GIT1: variants seen among roughly 807,000 people sequenced by gnomAD.
GIT1 encodes the protein GIT ArfGAP 1, also known as ARF GTPase-activating protein GIT1.
In GIT1, 14 loss-of-function variants were observed where a neutral mutation model predicts 91.7. The observed-to-expected ratio is 0.15, with a 90% CI of 0.10 to 0.24. The LOEUF is 0.24. Among genes scored for constraint, GIT1 ranks in the 10% least tolerant of loss-of-function variants. GIT1 has a pLI of 1.00. For synonymous variants in GIT1, 414 were observed against 418.2 expected, an observed-to-expected ratio of 0.99 and a Z score of 0.12; for missense variants, 717 against 1,024.9, an observed-to-expected ratio of 0.70 and a Z score of 4.10.
Position 29,589,486 on chromosome 17 carries a change from C to A in GIT1, c.-108G>T. 1 of 314,202 alleles carries A rather than the reference C, an allele frequency of 3.2e-6. No homozygotes were observed. The highest frequency in any genetic ancestry group is 1.2e-4 in the South Asian group (1 of 8,638). 19.5% of individuals were successfully genotyped at this position (314,202 alleles called of 1,614,324 possible). Reference sequence around the variant, plus strand: ...CTGCCCGGCCCGGCTCCGGCGAGGCCCCGGCGAGGCTCCGCGCGCCCGGCC... The same window carrying A: ...CTGCCCGGCCCGGCTCCGGCGAGGCACCGGCGAGGCTCCGCGCGCCCGGCC... On this transcript the variant is annotated 5_prime_UTR_variant, in exon 1 of 20. Transcript: ENST00000225394. This position sits in a 1 kb window ranked among gnomAD's most constrained non-coding sequence, Gnocchi z 5.2.
chr17:29,577,295 T>A, intron 10 of GIT1, 48 bp from the exon 11 acceptor site: 1 of 1,455,052 alleles, frequency 6.9e-7, no homozygotes, highest in Non-Finnish European at 9.6e-7. Flanking sequence ...CCCTTATGAC[T>A]GACGCAGGAC....
At position 29,576,416 on chromosome 17, in the gene GIT1, C is replaced by T. The variant is rs150427746; in HGVS notation, c.1415G>A (p.Arg472Gln). The change falls in exon 14 of 20, where the codon CGG (arginine) becomes CAG (glutamine). Residue 472 changes from arginine (R) to glutamine (Q), a missense_variant. Transcript: ENST00000225394. ...HKLQAENLQLRQPPGPVPTPP... is the reference protein window; with the variant it reads ...HKLQAENLQLQQPPGPVPTPP... Reference sequence around the variant, plus strand: ...TGTGGGCACCGGCCCTGGAGGCTGCCGGAGCTGCAGGTTCTCCGCCTGCAG... The same window carrying T: ...TGTGGGCACCGGCCCTGGAGGCTGCTGGAGCTGCAGGTTCTCCGCCTGCAG... 1.4e-5 allele frequency: 23 copies of T among 1,612,842 alleles called. No homozygotes were observed. The African/African-American group carries it at 2.1e-4, about 15-fold the overall frequency.
chr17:29,583,129 C>G lies in GIT1; in HGVS notation c.187-92G>C, dbSNP rs1337320451. Reference sequence around the variant, plus strand: ...TGAGCGCCTGCTGTGGCTGGCGTAGCTGGAAACGGTACCAAGGGGGCCTAC... The same window carrying G: ...TGAGCGCCTGCTGTGGCTGGCGTAGGTGGAAACGGTACCAAGGGGGCCTAC... On this transcript the variant is annotated intron_variant, in intron 2 of 19. Transcript: ENST00000225394. 1.2e-5 allele frequency: 10 copies of G among 857,046 alleles called. No homozygotes were observed. The South Asian group carries it at 1.3e-4, about 11-fold the overall frequency. 53.1% of individuals were successfully genotyped at this position (857,046 alleles called of 1,614,324 possible). A position where few individuals can be genotyped will look rare whatever the true frequency, so the allele number is the denominator to read the frequency against.
In GIT1 at chr17:29,588,515, C is replaced by T. The variant is rs537284586; in HGVS notation, c.52+812G>A. Among the ~76,000 whole-genome samples the T allele has an allele frequency of 2.7e-3, 414 of 152,326 alleles. 2 individuals are homozygous for T. Among genetic ancestry groups the T allele is most frequent in the African/African-American group, 9.2e-3 (384 of 41,564 alleles). The stretch of plus-strand genomic sequence containing the variant: ...GACAGGCCAGGAAGCCAGCAGGATA[C>T]GGGGAATCTCGGCACGGCCTCCCAC... On this transcript the variant is annotated intron_variant, in intron 1 of 19. Transcript: ENST00000225394.
intron 11 of GIT1, 22 bp downstream of exon 11, chr17:29,577,114 C>T: frequency 6.2e-7 from 1 of 1,609,972 alleles, no homozygotes; most frequent in Non-Finnish European, 8.5e-7. Context: ...GCTTCCCACA[C>T]CCTCCCACAC....
chr17:29,574,453 A>AGG lies in GIT1; in HGVS notation c.*247_*248dup. On this transcript the variant is annotated 3_prime_UTR_variant, in exon 20 of 20. Transcript: ENST00000225394. ...GCCTTGCAGGCCCCTGCTCACTAGG[A>AGG]GGGGGGAGATGCTATATACAGAGGG... is the stretch of plus-strand genomic sequence containing the variant. The AGG allele has an allele frequency of 1.8e-6, 1 of 543,086 alleles. No homozygotes were observed. The highest frequency in any genetic ancestry group is 3.3e-6 in the Non-Finnish European group (1 of 300,918). The allele number at this position is 543,086 out of a possible 1,614,324, so 33.6% of individuals were successfully genotyped here. A position where few individuals can be genotyped will look rare whatever the true frequency, so the allele number is the denominator to read the frequency against.
chr17:29,580,712 G>A (rs1474656745), intron 7 of GIT1, among the ~76,000 whole-genome samples: 1 of 151,922 alleles, frequency 6.6e-6, no homozygotes, highest in East Asian at 1.9e-4. Flanking sequence ...CAGTGGGGTC[G>A]GTGCCACTGG....
At chr17:29,586,268 T>C (rs1293125918) in intron 1 of GIT1, among the ~76,000 whole-genome samples, 1 of 152,232 alleles carries the variant, frequency 6.6e-6, no homozygotes, top group Non-Finnish European at 1.5e-5. Context: ...CACAAATTCA[T>C]AAACTTTCTT....
chr17:29,575,245 C>G lies in GIT1; in HGVS notation c.2009+43G>C. On this transcript the variant is annotated intron_variant, in intron 18 of 19. Transcript: ENST00000225394. This position sits in a 1 kb window ranked among gnomAD's most constrained non-coding sequence, Gnocchi z 5.5. ...ATGCTCTCTGCAACACCCTAGAAGC[C>G]AACAGGAACTGCATCCCCCTCACCT... 6.3e-7 allele frequency: 1 copy of G among 1,582,654 alleles called. No homozygotes were observed.
At chr17:29,583,995 C>A in intron 1 of GIT1, 1 of 246,016 alleles carries the variant, frequency 4.1e-6, no homozygotes, top group Non-Finnish European at 7.9e-6. Context: ...GGGATGCAAC[C>A]CAGATGCTGC....
In GIT1 at chr17:29,574,191, T is replaced by A. The variant is rs2033097745; in HGVS notation, c.*511A>T. On this transcript the variant is annotated 3_prime_UTR_variant, in exon 20 of 20. Coordinates refer to ENST00000225394, the MANE Select transcript of GIT1 (RefSeq NM_014030.4). Reference sequence around the variant, plus strand: ...GGACCCCAGCACACAGGTTGGGGCCTGTGCCCTAGGCAGGGGCCATATGGC... The same window carrying A: ...GGACCCCAGCACACAGGTTGGGGCCAGTGCCCTAGGCAGGGGCCATATGGC... The A allele has an allele frequency of 6.6e-6, 1 of 152,422 alleles. No homozygotes were observed. Among genetic ancestry groups the A allele is most frequent in the Admixed American group, 6.6e-5 (1 of 15,262 alleles). The allele number at this position is 152,422 out of a possible 1,614,324, so 9.4% of individuals were successfully genotyped here.
Position 29,575,035 on chromosome 17 carries a change from G to T in GIT1, c.2073+44C>A. The T allele has an allele frequency of 6.6e-7, 1 of 1,514,666 alleles. No individual in the cohort carries two copies. The highest frequency in any genetic ancestry group is 9.0e-7 in the Non-Finnish European group (1 of 1,109,594). The allele number at this position is 1,514,666 out of a possible 1,614,324, so 93.8% of individuals were successfully genotyped here. The stretch of plus-strand genomic sequence containing the variant: ...GATGGGATTCTCCACGCCTGCCCCA[G>T]CTCGAGGCCCTCCCACTCCTGGTCC... On this transcript the variant is annotated intron_variant, in intron 19 of 19. Coordinates refer to ENST00000225394, the MANE Select transcript of GIT1 (RefSeq NM_014030.4). This position sits in a 1 kb window ranked among gnomAD's most constrained non-coding sequence, Gnocchi z 5.5.
chr17:29,579,862 C>G (rs901504423), intron 7 of GIT1, among the ~76,000 whole-genome samples: 2 of 152,140 alleles, frequency 1.3e-5, no homozygotes, highest in Non-Finnish European at 2.9e-5. Context: ...AGTCACACAG[C>G]CAGTAAGCAG....
chr17:29,581,058 C>T lies in GIT1; in HGVS notation c.761+280G>A, dbSNP rs1027036279. 56 of 480,168 alleles carry T rather than the reference C, an allele frequency of 1.2e-4. No individual in the cohort carries two copies. The East Asian group carries it at 1.9e-3, about 16-fold the overall frequency. 29.7% of individuals were successfully genotyped at this position (480,168 alleles called of 1,614,324 possible). A position where few individuals can be genotyped will look rare whatever the true frequency, so the allele number is the denominator to read the frequency against. On this transcript the variant is annotated intron_variant, in intron 7 of 19. Coordinates refer to ENST00000225394, the MANE Select transcript of GIT1 (RefSeq NM_014030.4). The surrounding 1 kb of genome is among the most constrained non-coding windows in gnomAD (Gnocchi z 4.8). ...CCTCCCAAAGTGCTGGGATTACAGGCGTGAGCCACCGCGCCCGGCCCACAG... is the reference window on the plus strand; with the variant it reads ...CCTCCCAAAGTGCTGGGATTACAGGTGTGAGCCACCGCGCCCGGCCCACAG...
Position 29,575,430 on chromosome 17 carries a change from C to A in GIT1, c.1867G>T (p.Asp623Tyr). Residue 623 changes from aspartate to tyrosine, a missense_variant, in exon 18 of 20, where the codon GAC becomes TAC. Asp to Tyr is a radical substitution (Grantham distance 160, BLOSUM62 -3). This residue lies in a region of GIT1 where 134 missense variants were observed against 223.8 expected (regional missense o/e 0.60). Coordinates refer to ENST00000225394, the MANE Select transcript of GIT1 (RefSeq NM_014030.4). The surrounding 1 kb of genome is among the most constrained non-coding windows in gnomAD (Gnocchi z 5.5). ...AGGCTTTCCAGCTCTGGGTGGAAGT[C>A]TTCCTCTTTGCCCAGCTCTAGAAAC... The part of the protein sequence containing the change: ...KRFLELGKEE[D>Y]FHPELESLDG... 1 of 1,612,594 alleles carries A rather than the reference C, an allele frequency of 6.2e-7. No individual in the cohort carries two copies. Among genetic ancestry groups the A allele is most frequent in the Non-Finnish European group, 8.5e-7 (1 of 1,179,388 alleles).
chr17:29,589,380 C>T lies in GIT1; in HGVS notation c.-2G>A, dbSNP rs1168581506. On this transcript the variant is annotated 5_prime_UTR_variant, in exon 1 of 20. Transcript: ENST00000225394. The surrounding 1 kb of genome is among the most constrained non-coding windows in gnomAD (Gnocchi z 5.2). ...CGCTCGCGGCCCCTTTCGGGACATC[C>T]TCAGCGGCGACGCGGCCGCAGCCCT... 2.9e-5 allele frequency: 31 copies of T among 1,063,012 alleles called. No homozygotes were observed. The highest frequency in any genetic ancestry group is 3.6e-5 in the Non-Finnish European group (31 of 871,860). The allele number at this position is 1,063,012 out of a possible 1,614,324, so 65.8% of individuals were successfully genotyped here.
At position 29,589,423 on chromosome 17, in the gene GIT1, GC is replaced by G; in HGVS notation, c.-46del. The G allele has an allele frequency of 3.4e-6, 3 of 870,674 alleles. No homozygotes were observed. Among genetic ancestry groups the G allele is most frequent in the Non-Finnish European group, 4.1e-6 (3 of 727,118 alleles). The allele number at this position is 870,674 out of a possible 1,614,324, so 53.9% of individuals were successfully genotyped here. A position where few individuals can be genotyped will look rare whatever the true frequency, so the allele number is the denominator to read the frequency against. On this transcript the variant is annotated 5_prime_UTR_variant, in exon 1 of 20. Transcript: ENST00000225394. This position sits in a 1 kb window ranked among gnomAD's most constrained non-coding sequence, Gnocchi z 5.2. ...GCAGCCCTCTGGGCCAGCGTGGGGGGCGCGGGCGGCGGGCCCGGGCGGCGGC... is the reference window on the plus strand; with the variant it reads ...GCAGCCCTCTGGGCCAGCGTGGGGGGGCGGGCGGCGGGCCCGGGCGGCGGC...
intron 9 of GIT1, 71 bp downstream of exon 9, chr17:29,578,228 G>A: frequency 7.9e-7 from 1 of 1,267,148 alleles, no homozygotes. Context: ...TCTTAGCCCA[G>A]TAAAGGACCA....
In GIT1 at chr17:29,576,437, T is replaced by A; in HGVS notation, c.1394A>T (p.Gln465Leu). ...RRLQREIHKL[Q>L]AENLQLRQPP... ...CTGCCGGAGCTGCAGGTTCTCCGCC[T>A]GCAGCTTGTGGATCTATGGGTGCAA... is the stretch of plus-strand genomic sequence containing the variant. Residue 465 changes from glutamine (Q) to leucine (L), a missense_variant, in exon 14 of 20, where the codon CAG becomes CTG. By Grantham distance (113) the Gln-to-Leu change is moderately radical (BLOSUM62 -2). This residue lies in a region of GIT1 where 312 missense variants were observed against 349.5 expected (regional missense o/e 0.89). Transcript: ENST00000225394. The A allele has an allele frequency of 1.9e-6, 3 of 1,612,780 alleles. No homozygotes were observed. The highest frequency in any genetic ancestry group is 1.7e-6 in the Non-Finnish European group (2 of 1,179,498).
Sources: allele counts gnomAD v4.1 joint callset (sites outside exome capture counted in the v4.1 genomes callset), GRCh38; gene constraint gnomAD v4.1.1; regional missense constraint gnomAD v4.1.1; non-coding constraint Gnocchi (gnomAD v3.1); transcripts MANE v1.5; gene names NCBI Gene and HGNC (gene_info 2026-07-23, HGNC 2026-07-21).